Variants in AGBL1 observed in about 807,000 individuals in gnomAD.
AGBL1 encodes AGBL carboxypeptidase 1, also known as cytosolic carboxypeptidase 4.
Under a neutral mutation model 118.9 loss-of-function variants are expected in AGBL1, and 130 were observed. The ratio of observed to expected loss-of-function variants is 1.09; its 90% CI spans 0.95 to 1.26. The LOEUF is 1.26. AGBL1 is among the 50% of genes most tolerant of loss of function. AGBL1 has a pLI of 0.00. For missense variants in AGBL1, 1,584 were observed against 1,298.1 expected (o/e 1.22, Z -3.38); for synonymous variants, 555 against 478.9 (o/e 1.16, Z -2.08).
intron 1 of AGBL1, among the ~76,000 whole-genome samples, chr15:86,089,715 C>T (rs1895893756): frequency 1.3e-5 from 2 of 152,092 alleles, no homozygotes; most frequent in South Asian, 2.1e-4. Flanking sequence ...AGCTCAATGC[C>T]CTACAGTTTC....
At chr15:86,749,286 G>T (rs986131454) in intron 22 of AGBL1, among the ~76,000 whole-genome samples, 6 of 151,958 alleles carry the variant, frequency 3.9e-5, no homozygotes, top group Non-Finnish European at 8.8e-5. Flanking sequence ...TGAATGGGAG[G>T]TCACTCATGA....
At chr15:86,833,922 A>G (rs1033005746) in intron 22 of AGBL1, among the ~76,000 whole-genome samples, 1 of 152,158 alleles carries the variant, frequency 6.6e-6, no homozygotes, top group Non-Finnish European at 1.5e-5. Context: ...CTTCCTAATT[A>G]AAGACCCTCA....
chr15:86,842,706 T>G (rs1317814966), intron 22 of AGBL1, among the ~76,000 whole-genome samples: 2 of 152,182 alleles, frequency 1.3e-5, no homozygotes, highest in African/African-American at 4.8e-5. Flanking sequence ...TGAATCCAAA[T>G]GGAATAATGT....
intron 15 of AGBL1, among the ~76,000 whole-genome samples, chr15:86,276,435 C>T (rs971049568): frequency 3.3e-5 from 5 of 152,202 alleles, no homozygotes; most frequent in African/African-American, 1.2e-4. Flanking sequence ...TAATAATACT[C>T]ACCTTGAAAG....
intron 17 of AGBL1, among the ~76,000 whole-genome samples, chr15:86,385,729 G>C (rs1170275710): frequency 6.6e-6 from 1 of 152,062 alleles, no homozygotes; most frequent in Non-Finnish European, 1.5e-5. Flanking sequence ...CCACTTCATG[G>C]ATGAAGACTC....
At chr15:86,255,825 T>G (rs1367023508) in intron 7 of AGBL1, among the ~76,000 whole-genome samples, 2 of 152,044 alleles carry the variant, frequency 1.3e-5, no homozygotes, top group Non-Finnish European at 2.9e-5. Context: ...GTCATTTGGG[T>G]AGCTTAAATT....
intron 21 of AGBL1, among the ~76,000 whole-genome samples, chr15:86,614,730 A>T (rs1425980259): frequency 6.6e-6 from 1 of 152,238 alleles, no homozygotes; most frequent in Admixed American, 6.5e-5. Context: ...TATTTAGAAC[A>T]GTGTCAACTC....
intron 17 of AGBL1, among the ~76,000 whole-genome samples, chr15:86,376,606 T>C (rs528596013): frequency 3.1e-4 from 47 of 152,310 alleles, no homozygotes; most frequent in African/African-American, 1.1e-3. Context: ...TGTATGGAGT[T>C]TGCATTGGGG....
At chr15:86,765,640 C>T (rs1042228864) in intron 22 of AGBL1, among the ~76,000 whole-genome samples, 2 of 151,860 alleles carry the variant, frequency 1.3e-5, no homozygotes, top group Admixed American at 6.6e-5. Context: ...CAAGTACAGG[C>T]GAAAGTCTCA....
intron 18 of AGBL1, among the ~76,000 whole-genome samples, chr15:86,413,214 G>A (rs2081646011): frequency 6.6e-6 from 1 of 152,056 alleles, no homozygotes; most frequent in African/African-American, 2.4e-5. Context: ...GTAACAGTAG[G>A]TTCTTAAATC....
At chr15:86,361,679 T>A (rs945138335) in intron 17 of AGBL1, among the ~76,000 whole-genome samples, 1 of 152,114 alleles carries the variant, frequency 6.6e-6, no homozygotes, top group Non-Finnish European at 1.5e-5. Flanking sequence ...ATTGAATGGA[T>A]CTTTTTGTAT....
chr15:86,546,104 T>C lies in AGBL1; in HGVS notation c.2788T>C (p.Ser930Pro). Residue 930 changes from serine (S) to proline (P), a missense_variant, in exon 20 of 23, where the codon TCT becomes CCT. Coordinates refer to ENST00000614907, the MANE Select transcript of AGBL1 (RefSeq NM_001386094.1). ...LWQAACTVGT[S>P]TILEEVNYRT... Reference sequence around the variant, plus strand: ...GCAAGCAGCATGCACTGTGGGCACATCTACTATCCTAGAGGAGGTCAACTA... The same window carrying C: ...GCAAGCAGCATGCACTGTGGGCACACCTACTATCCTAGAGGAGGTCAACTA... The C allele has an allele frequency of 6.2e-7, 1 of 1,613,364 alleles. No homozygotes were observed. Among genetic ancestry groups the C allele is most frequent in the Non-Finnish European group, 8.5e-7 (1 of 1,179,532 alleles).
chr15:86,359,103 A>G (rs747896178), intron 17 of AGBL1, among the ~76,000 whole-genome samples: 5 of 151,926 alleles, frequency 3.3e-5, no homozygotes, highest in Non-Finnish European at 7.4e-5. Context: ...ACCCAGGCCA[A>G]TATTAACAAG....
intron 23 of AGBL1, among the ~76,000 whole-genome samples, chr15:86,943,826 C>A (rs1156540979): frequency 6.6e-6 from 1 of 152,140 alleles, no homozygotes; most frequent in East Asian, 1.9e-4. Context: ...GGAAACCTTA[C>A]CAAGGACTCT....
chr15:86,343,349 C>T (rs1300687302), intron 17 of AGBL1, among the ~76,000 whole-genome samples: 2 of 151,966 alleles, frequency 1.3e-5, no homozygotes, highest in African/African-American at 2.4e-5. Flanking sequence ...TGGTGGGGTC[C>T]CCTGCATCCC....
At chr15:86,699,972 A>AT (rs1421482860) in intron 22 of AGBL1, among the ~76,000 whole-genome samples, 1 of 151,976 alleles carries the variant, frequency 6.6e-6, no homozygotes, top group African/African-American at 2.4e-5. Context: ...CCAAATTGTT[A>AT]TTTTCCAATT....
At chr15:86,714,974 A>G (rs888939267) in intron 22 of AGBL1, among the ~76,000 whole-genome samples, 3 of 152,176 alleles carry the variant, frequency 2.0e-5, no homozygotes, top group African/African-American at 7.2e-5. Context: ...AGGGTTGCTC[A>G]AATAAAGTTA....
chr15:86,223,799 G>T (rs971666926), intron 5 of AGBL1, among the ~76,000 whole-genome samples: 1 of 152,134 alleles, frequency 6.6e-6, no homozygotes, highest in East Asian at 1.9e-4. Flanking sequence ...CTTTTCTACT[G>T]TATTTTACTT....
chr15:86,296,540 C>T (rs191843049), intron 17 of AGBL1: 98 of 152,308 alleles, frequency 6.4e-4, no homozygotes, highest in Middle Eastern at 3.4e-3. Context: ...ACAGCCTTCC[C>T]TGATGAAGTG....
Sources: allele counts gnomAD v4.1 joint callset (sites outside exome capture counted in the v4.1 genomes callset), GRCh38; gene constraint gnomAD v4.1.1; transcripts MANE v1.5; gene names NCBI Gene and HGNC (gene_info 2026-07-23, HGNC 2026-07-21).